Variants in FAM153A observed in about 807,000 individuals in gnomAD.
FAM153A encodes the protein protein FAM153A.
FAM153A carries 12 observed loss-of-function variants against 48.1 expected under a neutral mutation model. The ratio of observed to expected loss-of-function variants is 0.25; its 90% CI spans 0.16 to 0.40. FAM153A has a LOEUF of 0.40. Ranked by LOEUF, FAM153A falls within the 10% of genes least tolerant of loss-of-function variation. The pLI is 1.00. For missense variants in FAM153A, 111 were observed against 345.8 expected (o/e 0.32, Z 5.38); for synonymous variants, 36 against 118.2 (o/e 0.30, Z 4.51).
At chr5:177,723,072 T>C (rs1313685222), downstream of FAM153A, 1 of 142,538 alleles carries the variant, frequency 7.0e-6, no homozygotes, top group Non-Finnish European at 1.6e-5. Flanking sequence ...TGAACATGCA[T>C]AGCTTCCTGG....
chr5:177,711,154 G>A (rs1758409639), exon 27 of FAM153A: 1 of 151,862 alleles, frequency 6.6e-6, no homozygotes. Flanking sequence ...ATATACAATG[G>A]TCTGAAATTA....
upstream of FAM153A, among the ~76,000 whole-genome samples, chr5:177,755,229 G>T (rs965582403): frequency 6.6e-6 from 1 of 151,848 alleles, no homozygotes; most frequent in Non-Finnish European, 1.5e-5. Flanking sequence ...AGAAGAAAGG[G>T]TATCAGTGAT....
chr5:177,703,464 C>G (rs535606512), downstream of FAM153A, among the ~76,000 whole-genome samples: 319 of 150,722 alleles, frequency 2.1e-3, 2 homozygotes, highest in African/African-American at 7.4e-3. Context: ...AGCCTTGTCT[C>G]AGATGAGACT....
rs1226493906 is a variant in FAM153A, at chr5:177,751,440, C to G, written c.32-388G>C. 2.8e-4 allele frequency among the ~76,000 whole-genome samples: 38 copies of G among 137,336 alleles called. 2 individuals carry two copies. The Admixed American group carries it at 2.8e-3, about 10-fold the overall frequency. 90.1% of individuals were successfully genotyped at this position (137,336 alleles called of 152,430 possible). On this transcript the variant is annotated intron_variant, in intron 1 of 20. Transcript: ENST00000614127. ...TAAGAAGAGTTAAATGGACCTAAAG[C>G]CTTAAAACGGGTGCTTCCTAAGTGC...
At chr5:177,719,088 T>G (rs561721599), downstream of FAM153A, among the ~76,000 whole-genome samples, 1 of 151,342 alleles carries the variant, frequency 6.6e-6, no homozygotes, top group East Asian at 1.9e-4. Flanking sequence ...TGTCCCATGT[T>G]GTCCAGGCTG....
the FAM153A span, among the ~76,000 whole-genome samples, chr5:177,700,346 C>A: frequency 6.6e-6 from 1 of 151,792 alleles, no homozygotes; most frequent in Non-Finnish European, 1.5e-5. Context: ...ACCAGACAGG[C>A]TAGAAAAAGT....
At chr5:177,706,983 C>T (rs1378203507), downstream of FAM153A, 1 of 151,928 alleles carries the variant, frequency 6.6e-6, no homozygotes, top group East Asian at 1.9e-4. Context: ...ATAAAGAGAT[C>T]AATTCAGCAA....
the FAM153A span, among the ~76,000 whole-genome samples, chr5:177,702,382 ACACT>A: frequency 6.6e-6 from 1 of 151,868 alleles, no homozygotes; most frequent in East Asian, 1.9e-4. Context: ...CTAACAACCT[ACACT>A]CATATGCATG....
intron 25 of FAM153A, chr5:177,716,221 A>G (rs1481556305): frequency 6.6e-6 from 1 of 151,638 alleles, no homozygotes. Flanking sequence ...TGACCTCATG[A>G]TCCACCCACC....
At chr5:177,703,323 C>T (rs1335873023), downstream of FAM153A, among the ~76,000 whole-genome samples, 1 of 151,926 alleles carries the variant, frequency 6.6e-6, no homozygotes, top group African/African-American at 2.4e-5. Flanking sequence ...TGCATGGGGC[C>T]TGTAGCCCCT....
chr5:177,754,973 C>A (rs1767554116), upstream of FAM153A, among the ~76,000 whole-genome samples: 1 of 151,864 alleles, frequency 6.6e-6, no homozygotes, highest in Non-Finnish European at 1.5e-5. Context: ...AGTAACGGGA[C>A]AAAGCTGGAT....
Position 177,729,273 on chromosome 5 carries a change from T to G in FAM153A, c.933+212A>C, listed in dbSNP as rs1350884613. ...TCTTCTCAAGAAGAAGGAATTTCTC[T>G]TAAGGAAAATGCCTGTTGACACACA... On this transcript the variant is annotated intron_variant, in intron 17 of 20. Coordinates refer to ENST00000614127, the Ensembl canonical transcript of FAM153A. Among the ~76,000 whole-genome samples, 3 of 120,898 alleles carry G rather than the reference T, an allele frequency of 2.5e-5. 1 individual carries two copies. Among genetic ancestry groups the G allele is most frequent in the Non-Finnish European group, 5.6e-5 (3 of 53,606 alleles). 79.3% of individuals were successfully genotyped at this position (120,898 alleles called of 152,430 possible).
upstream of FAM153A, among the ~76,000 whole-genome samples, chr5:177,753,909 G>A (rs1407750870): frequency 6.6e-6 from 1 of 151,928 alleles, no homozygotes; most frequent in Non-Finnish European, 1.5e-5. Flanking sequence ...CCCAGCGTGA[G>A]TGATGCAGAA....
chr5:177,753,282 C>G, upstream of FAM153A: 9 of 1,349,014 alleles, frequency 6.7e-6, no homozygotes, highest in Non-Finnish European at 9.3e-6. Context: ...AAATGAAAGG[C>G]AAGACCTATA....
chr5:177,726,442 CT>C (rs1414555700), intron 18 of FAM153A, among the ~76,000 whole-genome samples: 1 of 151,910 alleles, frequency 6.6e-6, no homozygotes, highest in Non-Finnish European at 1.5e-5. Context: ...ACTCTTAGGA[CT>C]TTCTCATTAA....
downstream of FAM153A, among the ~76,000 whole-genome samples, chr5:177,708,443 G>A (rs1020129350): frequency 6.6e-6 from 1 of 151,938 alleles, no homozygotes; most frequent in Non-Finnish European, 1.5e-5. Context: ...CAGGCGTGGT[G>A]GCACATGCCT....
At chr5:177,708,478 G>C (rs1186171873), downstream of FAM153A, among the ~76,000 whole-genome samples, 4 of 151,906 alleles carry the variant, frequency 2.6e-5, no homozygotes, top group Admixed American at 6.5e-5. Flanking sequence ...TCGGGAGGCT[G>C]AAGTAGGAGA....
downstream of FAM153A, among the ~76,000 whole-genome samples, chr5:177,708,899 T>C (rs1313630908): frequency 2.0e-5 from 3 of 151,192 alleles, no homozygotes; most frequent in Admixed American, 6.6e-5. Context: ...TCGAGACCAT[T>C]CTGGCCAACA....
At chr5:177,764,623 A>G (rs973961484) in intron 1 of FAM153A, among the ~76,000 whole-genome samples, 281 of 148,062 alleles carry the variant, frequency 1.9e-3, no homozygotes, top group African/African-American at 6.5e-3. Flanking sequence ...GATGGCTGTG[A>G]ATACCTGGGC....
Sources: allele counts gnomAD v4.1 joint callset (sites outside exome capture counted in the v4.1 genomes callset), GRCh38; gene constraint gnomAD v4.1.1; transcripts MANE v1.5; gene names NCBI Gene and HGNC (gene_info 2026-07-23, HGNC 2026-07-21).